APH1B: variants seen among roughly 807,000 people sequenced by gnomAD.
APH1B encodes aph-1B gamma-secretase subunit.
APH1B carries 27 observed loss-of-function variants against 28.2 expected under a neutral mutation model. The observed-to-expected ratio is 0.96, with a 90% CI of 0.70 to 1.32. The LOEUF is 1.32. Ranked by LOEUF, APH1B falls within the 40% of genes most tolerant of loss-of-function variation. APH1B has a pLI of 0.00. For synonymous variants in APH1B, 141 were observed against 124.6 expected, an observed-to-expected ratio of 1.13 and a Z score of -0.88; for missense variants, 305 against 313.6, an observed-to-expected ratio of 0.97 and a Z score of 0.21.
chr15:63,279,339 A>G lies in APH1B; in HGVS notation c.284+8A>G, dbSNP rs1160987948. 1.9e-6 allele frequency: 3 copies of G among 1,583,646 alleles called. No individual in the cohort carries two copies. The highest frequency in any genetic ancestry group is 2.3e-5 in the South Asian group (2 of 88,192). On this transcript the variant is annotated splice_region_variant and intron_variant, in intron 2 of 5. Coordinates refer to ENST00000261879, the MANE Select transcript of APH1B (RefSeq NM_031301.4). ...ATATTATAAACTCTTAAAGTAAGTT[A>G]AATACCTGCCTTACCTTTTTTTTCC...
intron 3 of APH1B, 57 bp from the exon 4 acceptor site, chr15:63,287,367 A>G: frequency 6.2e-7 from 1 of 1,601,830 alleles, no homozygotes; most frequent in Non-Finnish European, 8.5e-7. Flanking sequence ...AGTCCTTGGA[A>G]ATTTGACTTG....
chr15:63,278,092 A>C (rs542088097), intron 1 of APH1B, among the ~76,000 whole-genome samples: 1 of 152,322 alleles, frequency 6.6e-6, no homozygotes, highest in South Asian at 2.1e-4. Flanking sequence ...GTAATCCCCA[A>C]AGGGTTAAAA....
intron 4 of APH1B, among the ~76,000 whole-genome samples, chr15:63,294,424 C>T (rs1033034490): frequency 2.0e-5 from 3 of 152,214 alleles, no homozygotes; most frequent in African/African-American, 7.2e-5. Context: ...TATCAACCTC[C>T]TCCATGCCCA....
chr15:63,300,813 G>A (rs2038618746), intron 4 of APH1B, among the ~76,000 whole-genome samples: 1 of 152,090 alleles, frequency 6.6e-6, no homozygotes, highest in South Asian at 2.1e-4. Context: ...GAAATAATAC[G>A]CATTTTTTCA....
intron 4 of APH1B, among the ~76,000 whole-genome samples, chr15:63,297,523 C>T (rs190652833): frequency 6.6e-6 from 1 of 152,100 alleles, no homozygotes; most frequent in East Asian, 1.9e-4. Context: ...GAGTTGAGAA[C>T]CTGTCTCAGA....
intron 4 of APH1B, among the ~76,000 whole-genome samples, chr15:63,288,772 T>C (rs2038473748): frequency 6.6e-6 from 1 of 152,258 alleles, no homozygotes; most frequent in Admixed American, 6.5e-5. Flanking sequence ...AATGTGTTAA[T>C]GATTGATTAT....
intron 1 of APH1B, among the ~76,000 whole-genome samples, chr15:63,278,124 A>T (rs1022349338): frequency 6.6e-6 from 1 of 152,114 alleles, no homozygotes; most frequent in Non-Finnish European, 1.5e-5. Context: ...TTAGGATAGT[A>T]GTGCGCGACT....
At chr15:63,293,257 C>T (rs917680027) in intron 4 of APH1B, among the ~76,000 whole-genome samples, 6 of 150,932 alleles carry the variant, frequency 4.0e-5, no homozygotes, top group Non-Finnish European at 5.9e-5. Context: ...CTCTGCCTCT[C>T]GGGTTCATGC....
At chr15:63,281,766 T>A (rs2038391630) in intron 2 of APH1B, among the ~76,000 whole-genome samples, 2 of 151,948 alleles carry the variant, frequency 1.3e-5, no homozygotes. Flanking sequence ...TCCTCTTTTT[T>A]TTTTTTTAAT....
chr15:63,304,396 G>A lies in APH1B; in HGVS notation c.607-1218G>A, dbSNP rs369946908. Among the ~76,000 whole-genome samples the A allele has an allele frequency of 2.4e-4, 37 of 152,200 alleles. No individual in the cohort carries two copies. Among genetic ancestry groups the A allele is most frequent in the East Asian group, 9.7e-4 (5 of 5,180 alleles). ...GTCTTCAGATGTTTATTGGCCATTC[G>A]GATAATTCTTTTTGAAGTGCCTGTT... On this transcript the variant is annotated intron_variant, in intron 5 of 5. Transcript: ENST00000261879. This position sits in a 1 kb window ranked among gnomAD's most constrained non-coding sequence, Gnocchi z 5.1.
chr15:63,291,077 G>A (rs566600526), intron 4 of APH1B, among the ~76,000 whole-genome samples: 1 of 151,568 alleles, frequency 6.6e-6, no homozygotes, highest in East Asian at 1.9e-4. Context: ...TTTCAGGAAG[G>A]GCAGAAATAA....
At chr15:63,293,955 G>A (rs921786548) in intron 4 of APH1B, among the ~76,000 whole-genome samples, 1 of 151,752 alleles carries the variant, frequency 6.6e-6, no homozygotes, top group Non-Finnish European at 1.5e-5. Flanking sequence ...TGTAGAGATG[G>A]GGTCTCACTA....
At chr15:63,280,272 C>G (rs2038371379) in intron 2 of APH1B, among the ~76,000 whole-genome samples, 2 of 152,170 alleles carry the variant, frequency 1.3e-5, no homozygotes, top group Admixed American at 1.3e-4. Context: ...CTCTAGGACT[C>G]ACGAGGACCT....
In APH1B at chr15:63,305,978, G is replaced by A; in HGVS notation, c.*197G>A. On this transcript the variant is annotated 3_prime_UTR_variant, in exon 6 of 6. Transcript: ENST00000261879. ...AGTGGTGTGCGTCCTGGCTGCACGAGAATCACCTGGGACAGTGTAAAGCCG... is the reference window on the plus strand; with the variant it reads ...AGTGGTGTGCGTCCTGGCTGCACGAAAATCACCTGGGACAGTGTAAAGCCG... The A allele has an allele frequency of 1.5e-6, 1 of 650,072 alleles. No homozygotes were observed. Among genetic ancestry groups the A allele is most frequent in the South Asian group, 2.0e-5 (1 of 50,312 alleles). 40.3% of individuals were successfully genotyped at this position (650,072 alleles called of 1,614,324 possible). A position where few individuals can be genotyped will look rare whatever the true frequency, so the allele number is the denominator to read the frequency against.
At chr15:63,303,966 G>A (rs1414251973) in intron 5 of APH1B, among the ~76,000 whole-genome samples, 1 of 151,124 alleles carries the variant, frequency 6.6e-6, no homozygotes, top group Non-Finnish European at 1.5e-5. Context: ...TACATGTGTC[G>A]ACTGTTCATA....
rs201121010 is a variant in APH1B, at chr15:63,305,729, G to T, written c.722G>T (p.Cys241Phe). The change falls in exon 6 of 6, where the codon TGC becomes TTC. Residue 241 changes from cysteine to phenylalanine, a missense_variant. Physicochemically the swap from Cys to Phe is radical, Grantham distance 205. Coordinates refer to ENST00000261879, the MANE Select transcript of APH1B (RefSeq NM_031301.4). ...GGCAGCTGCCGAAGCCTGAAACTCT[G>T]CCTGCTCTGCCAAGACAAGAACTTT... Reference protein sequence around the residue: ...AGGSCRSLKLCLLCQDKNFLL... With the variant: ...AGGSCRSLKLFLLCQDKNFLL... 2 of 1,614,204 alleles carry T rather than the reference G, an allele frequency of 1.2e-6. No individual in the cohort carries two copies. The highest frequency in any genetic ancestry group is 1.7e-6 in the Non-Finnish European group (2 of 1,180,048).
At chr15:63,278,351 C>G (rs1567026144) in intron 1 of APH1B, 3 of 456,744 alleles carry the variant, frequency 6.6e-6, no homozygotes, top group Non-Finnish European at 8.8e-6. Context: ...CTTCTGGGAG[C>G]TTGGTAAATA....
intron 4 of APH1B, among the ~76,000 whole-genome samples, chr15:63,298,198 AT>A (rs796922129): frequency 6.6e-6 from 1 of 152,086 alleles, no homozygotes; most frequent in South Asian, 2.1e-4. Context: ...AGAGAAATGC[AT>A]TTTTGTTTTT....
chr15:63,277,773 CT>C, intron 1 of APH1B, 37 bp downstream of exon 1: 1 of 1,581,108 alleles, frequency 6.3e-7, no homozygotes, highest in Non-Finnish European at 8.6e-7. Context: ...GACGCCGGGG[CT>C]CCCCTCCCCC....
Sources: gnomAD v4.1 joint callset for allele counts (sites outside exome capture counted in the v4.1 genomes callset) on GRCh38, gnomAD v4.1.1 for gene constraint, Gnocchi (gnomAD v3.1) non-coding constraint, MANE v1.5 for transcripts, NCBI Gene and HGNC (gene_info 2026-07-23, HGNC 2026-07-21) for gene names.